GCFC2: variants seen among roughly 807,000 people sequenced by gnomAD.
GCFC2 encodes GC-rich sequence DNA-binding factor 2.
In GCFC2, 102 loss-of-function variants were observed where a neutral mutation model predicts 99.4. The observed-to-expected ratio is 1.03, with a 90% confidence interval of 0.87 to 1.21. The LOEUF is 1.21. Among genes scored for constraint, GCFC2 ranks in the 50% most tolerant of loss-of-function variants. GCFC2 has a pLI of 0.00. For synonymous variants in GCFC2, 338 were observed against 316.8 expected (o/e 1.07, Z -0.71); for missense variants, 973 against 920.9 (o/e 1.06, Z -0.73).
rs1165139235 is a variant in GCFC2, at chr2:75,694,413, T to C, written c.848A>G (p.Gln283Arg). The C allele has an allele frequency of 2.9e-6, 4 of 1,366,034 alleles. No homozygotes were observed. The highest frequency in any genetic ancestry group is 2.9e-6 in the Non-Finnish European group (3 of 1,025,328). 84.6% of individuals were successfully genotyped at this position (1,366,034 alleles called of 1,614,324 possible). Reference protein sequence around the residue: ...KQLNTRLTLLQETHRSHLREY... With the variant: ...KQLNTRLTLLRETHRSHLREY... ...CCTCAGGTGTGAGCGGTGAGTTTCCTGTAGTAATGTTAATCTAAATAAATA... is the reference window on the plus strand; with the variant it reads ...CCTCAGGTGTGAGCGGTGAGTTTCCCGTAGTAATGTTAATCTAAATAAATA... The change falls in exon 6 of 17, where the codon CAG (glutamine) becomes CGG (arginine). Residue 283 changes from glutamine (Q) to arginine (R), a missense_variant. Transcript: ENST00000321027.
chr2:75,692,171 A>AT (rs1402816212), intron 6 of GCFC2, 71 bp from the exon 7 acceptor site: 3 of 256,312 alleles, frequency 1.2e-5, no homozygotes, highest in African/African-American at 2.8e-5. Context: ...ATATATATAT[A>AT]AAAGTAATAT....
intron 12 of GCFC2, among the ~76,000 whole-genome samples, chr2:75,674,068 T>C (rs1315356006): frequency 6.6e-6 from 1 of 152,262 alleles, no homozygotes; most frequent in Non-Finnish European, 1.5e-5. Context: ...TTTCATTTTG[T>C]TGTTTTAATT....
chr2:75,671,331 G>A (rs1679081932), intron 14 of GCFC2, among the ~76,000 whole-genome samples: 1 of 152,122 alleles, frequency 6.6e-6, no homozygotes, highest in African/African-American at 2.4e-5. Flanking sequence ...TACAGGTAGT[G>A]GACTCCCAAA....
chr2:75,680,158 T>G (rs776585760), intron 12 of GCFC2, 35 bp downstream of exon 12: 2 of 1,473,200 alleles, frequency 1.4e-6, no homozygotes, highest in South Asian at 2.3e-5. Flanking sequence ...GATTTAGAGA[T>G]AGATCATGGA....
chr2:75,702,101 T>C (rs1680621691), intron 3 of GCFC2, 98 bp downstream of exon 3: 3 of 1,511,416 alleles, frequency 2.0e-6, no homozygotes, highest in Non-Finnish European at 1.8e-6. Flanking sequence ...ATCAACACTA[T>C]AAAATGTGAG....
At chr2:75,673,350 T>C (rs1679206200) in intron 13 of GCFC2, 94 bp downstream of exon 13, 1 of 678,008 alleles carries the variant, frequency 1.5e-6, no homozygotes, top group African/African-American at 1.9e-5. Context: ...AAACAAAAAA[T>C]AAAACACTGT....
intron 4 of GCFC2, 131 bp downstream of exon 4, chr2:75,701,059 A>G: frequency 1.6e-6 from 1 of 616,282 alleles, no homozygotes; most frequent in Non-Finnish European, 2.9e-6. Context: ...GGTGCTGCCA[A>G]TACCTTGACT....
chr2:75,689,129 T>A lies in GCFC2; in HGVS notation c.1436A>T (p.Glu479Val), dbSNP rs763071182. ...NILLKFQQWR[E>V]KFPDSYYEAF... Reference sequence around the variant, plus strand: ...TTCATAATAGGAGTCAGGAAACTTTTCTCGCCATTGCTGAAATTTCAACAA... The same window carrying A: ...TTCATAATAGGAGTCAGGAAACTTTACTCGCCATTGCTGAAATTTCAACAA... Residue 479 changes from glutamate to valine, a missense_variant, in exon 10 of 17, where the codon GAA (glutamate) becomes GTA (valine). Physicochemically the swap from Glu to Val is moderately radical, Grantham distance 121 (BLOSUM62 -2). Coordinates refer to ENST00000321027, the MANE Select transcript of GCFC2 (RefSeq NM_003203.5). 3 of 1,599,492 alleles carry A rather than the reference T, an allele frequency of 1.9e-6. No homozygotes were observed. The highest frequency in any genetic ancestry group is 2.6e-6 in the Non-Finnish European group (3 of 1,167,948).
At chr2:75,672,042 GA>G in intron 13 of GCFC2, 26 bp from the exon 14 acceptor site, 1 of 1,313,900 alleles carries the variant, frequency 7.6e-7, no homozygotes, top group Non-Finnish European at 1.1e-6. Flanking sequence ...CGAAAGAGAA[GA>G]GAAAATGCAA....
At chr2:75,688,109 C>A (rs1435988418) in intron 10 of GCFC2, 132 bp from the exon 11 acceptor site, 10 of 600,924 alleles carry the variant, frequency 1.7e-5, no homozygotes, top group Non-Finnish European at 2.6e-5. Flanking sequence ...TATTTTAACA[C>A]TAGACCACCA....
intron 4 of GCFC2, 119 bp downstream of exon 4, chr2:75,701,071 C>A (rs1352003339): frequency 6.4e-6 from 4 of 629,310 alleles, no homozygotes; most frequent in Non-Finnish European, 8.4e-6. Context: ...ACCTTGACTT[C>A]AGATTTTGGC....
Position 75,680,420 on chromosome 2 carries a change from G to A in GCFC2, c.1691-106C>T. ...CAAACACTACTTCCCTCCTTATTCA[G>A]TTTAAGTTCCATGGCCAATTATTAC... On this transcript the variant is annotated intron_variant, in intron 11 of 16. Transcript: ENST00000321027. 6 of 819,488 alleles carry A rather than the reference G, an allele frequency of 7.3e-6. No individual in the cohort carries two copies. In the South Asian group the frequency reaches 1.0e-4, roughly 14 times the overall value. 50.8% of individuals were successfully genotyped at this position (819,488 alleles called of 1,614,324 possible). A position where few individuals can be genotyped will look rare whatever the true frequency, so the allele number is the denominator to read the frequency against.
rs943142521 is a variant in GCFC2, at chr2:75,662,790, A to G, written c.*1876T>C. Reference sequence around the variant, plus strand: ...GTGCTGAACTTAAATATATAAAGGAACACGTCCAACATATTTAGTTAAAAA... The same window carrying G: ...GTGCTGAACTTAAATATATAAAGGAGCACGTCCAACATATTTAGTTAAAAA... On this transcript the variant is annotated 3_prime_UTR_variant, in exon 17 of 17. Coordinates refer to ENST00000321027, the MANE Select transcript of GCFC2 (RefSeq NM_003203.5). 3.3e-5 allele frequency: 5 copies of G among 152,110 alleles called. No individual in the cohort carries two copies. The highest frequency in any genetic ancestry group is 1.2e-4 in the African/African-American group (5 of 41,442). 9.4% of individuals were successfully genotyped at this position (152,110 alleles called of 1,614,324 possible). A position where few individuals can be genotyped will look rare whatever the true frequency, so the allele number is the denominator to read the frequency against.
intron 4 of GCFC2, among the ~76,000 whole-genome samples, chr2:75,697,316 T>C (rs1306515792): frequency 6.6e-6 from 1 of 152,248 alleles, no homozygotes; most frequent in East Asian, 1.9e-4. Flanking sequence ...ATATTTTCCA[T>C]GAAGCATCAT....
In GCFC2 at chr2:75,665,982, G is replaced by A. The variant is rs769243180; in HGVS notation, c.2175C>T (p.Asn725=). 2 of 1,601,700 alleles carry A rather than the reference G, an allele frequency of 1.2e-6. No homozygotes were observed. The highest frequency in any genetic ancestry group is 2.7e-5 in the African/African-American group (2 of 74,612). Residue 725 remains asparagine (N), a synonymous_variant, in exon 16 of 17, where the codon AAC becomes AAT. Coordinates refer to ENST00000321027, the MANE Select transcript of GCFC2 (RefSeq NM_003203.5). ...CAGACTGCAATAAAAACTGAATGAA[G>A]TTTTCTAGCTGTGGAATAGATGTCC... The part of the protein sequence containing the change: ...AMRTSIPQLE[N]FIQFLLQSAH...
chr2:75,691,820 T>C (rs1680082591), intron 7 of GCFC2, among the ~76,000 whole-genome samples, 157 bp downstream of exon 7: 1 of 152,178 alleles, frequency 6.6e-6, no homozygotes, highest in Non-Finnish European at 1.5e-5. Flanking sequence ...CATTCTTAAG[T>C]CCTATTTCTA....
At chr2:75,665,826 A>AT (rs1678814408) in intron 16 of GCFC2, 103 bp downstream of exon 16, 4 of 715,948 alleles carry the variant, frequency 5.6e-6, no homozygotes, top group Non-Finnish European at 8.4e-6. Context: ...GTTTTAACAA[A>AT]TTTTTAAAAG....
intron 2 of GCFC2, among the ~76,000 whole-genome samples, chr2:75,705,018 T>G (rs1409563840): frequency 6.6e-6 from 1 of 152,222 alleles, no homozygotes; most frequent in African/African-American, 2.4e-5. Flanking sequence ...CCACTAGCCC[T>G]ATGTGAGTAT....
At chr2:75,699,640 G>C (rs1680487800) in intron 4 of GCFC2, among the ~76,000 whole-genome samples, 1 of 152,128 alleles carries the variant, frequency 6.6e-6, no homozygotes, top group Non-Finnish European at 1.5e-5. Context: ...GCAGTGGTGT[G>C]ATCATAGCTC....
Sources: allele counts gnomAD v4.1 joint callset (sites outside exome capture counted in the v4.1 genomes callset), GRCh38; gene constraint gnomAD v4.1.1; transcripts MANE v1.5; gene names NCBI Gene and HGNC (gene_info 2026-07-23, HGNC 2026-07-21).